SPAST: variants seen among roughly 807,000 people sequenced by gnomAD.
SPAST encodes the protein spastic paraplegia 4 (autosomal dominant; spastin).
In SPAST, 30 loss-of-function variants were observed where a neutral mutation model predicts 76.6. The ratio of observed to expected loss-of-function variants is 0.39; its 90% CI spans 0.29 to 0.53. The LOEUF (loss-of-function observed/expected upper bound fraction) is 0.53. SPAST is among the 20% of genes least tolerant of loss of function. The pLI is 0.68. For synonymous variants in SPAST, 305 were observed against 281.0 expected (o/e 1.09, Z -0.86); for missense variants, 717 against 770.5 (o/e 0.93, Z 0.82).
At chr2:32,138,181 A>G (rs1253034855) in intron 12 of SPAST, among the ~76,000 whole-genome samples, 2 of 152,192 alleles carry the variant, frequency 1.3e-5, no homozygotes, top group African/African-American at 2.4e-5. Flanking sequence ...ATACCCAGTA[A>G]TGGGATTTCA....
At chr2:32,153,750 AAGATC>A (rs1680163312) in intron 16 of SPAST, among the ~76,000 whole-genome samples, 1 of 152,198 alleles carries the variant, frequency 6.6e-6, no homozygotes, top group African/African-American at 2.4e-5. Flanking sequence ...GGCAATTTAA[AAGATC>A]AGAAAATAAG....
intron 12 of SPAST, among the ~76,000 whole-genome samples, chr2:32,139,814 G>C (rs1319496510): frequency 7.2e-6 from 1 of 138,380 alleles, no homozygotes; most frequent in Non-Finnish European, 1.5e-5. Flanking sequence ...GGGTGTGAAA[G>C]AGCAAGAATC....
intron 7 of SPAST, among the ~76,000 whole-genome samples, chr2:32,120,137 T>C (rs1425396433): frequency 1.3e-5 from 2 of 152,070 alleles, no homozygotes; most frequent in Non-Finnish European, 2.9e-5. Flanking sequence ...GAAATTTCCA[T>C]GAATTTCCAA....
chr2:32,144,096 A>T (rs1211385638), intron 14 of SPAST, among the ~76,000 whole-genome samples: 2 of 152,210 alleles, frequency 1.3e-5, no homozygotes, highest in Non-Finnish European at 2.9e-5. Flanking sequence ...GAAAAATGTC[A>T]TAAAGTAATA....
In SPAST at chr2:32,063,744, CCCGCCGTAGCAGTGGCTG is replaced by C. The variant is rs1676377641; in HGVS notation, c.-80_-63del. 9 of 1,504,140 alleles carry C rather than the reference CCCGCCGTAGCAGTGGCTG, an allele frequency of 6.0e-6. No homozygotes were observed. In the South Asian group the frequency reaches 1.0e-4, roughly 17 times the overall value. 93.2% of individuals were successfully genotyped at this position (1,504,140 alleles called of 1,614,324 possible). The stretch of plus-strand genomic sequence containing the variant: ...GGCGGGCACACGGGGGTCTGTGGCC[CCCGCCGTAGCAGTGGCTG>C]CCGCCGTCGCTTGGTTCCCGTCGGT... On this transcript the variant is annotated 5_prime_UTR_variant, in exon 1 of 17. Coordinates refer to ENST00000315285, the MANE Select transcript of SPAST (RefSeq NM_014946.4).
At chr2:32,075,266 C>G (rs985142497) in intron 1 of SPAST, among the ~76,000 whole-genome samples, 3 of 150,666 alleles carry the variant, frequency 2.0e-5, no homozygotes, top group African/African-American at 7.3e-5. Flanking sequence ...ACTAAAAATA[C>G]AAAAACAAAA....
chr2:32,136,917 G>A lies in SPAST; in HGVS notation c.1362G>A (p.Glu454=), dbSNP rs138849656. 111 of 1,613,814 alleles carry A rather than the reference G, an allele frequency of 6.9e-5. 1 individual carries two copies. In the African/African-American group the frequency reaches 1.1e-3, roughly 15 times the overall value. ...TTTTGTGTGAAAGAAGAGAAGGGGA[G>A]CACGATGCTAGTAGACGCCTAAAAA... ...DSLLCERREG[E]HDASRRLKTE... The change falls in exon 11 of 17, where the codon GAG becomes GAA. Residue 454 remains glutamate (E), a synonymous_variant. Transcript: ENST00000315285.
chr2:32,129,270 A>AT (rs1679292702), intron 9 of SPAST: 1 of 140,752 alleles, frequency 7.1e-6, no homozygotes, highest in Non-Finnish European at 1.5e-5. Flanking sequence ...TTTTTTTTAT[A>AT]ATAGAGACAC....
intron 3 of SPAST, 96 bp from the exon 4 acceptor site, chr2:32,098,700 T>C: frequency 1.3e-6 from 1 of 799,160 alleles, no homozygotes; most frequent in Non-Finnish European, 2.2e-6. Context: ...TGGTAACACC[T>C]TGAGTAATTT....
intron 4 of SPAST, among the ~76,000 whole-genome samples, chr2:32,110,533 ATATATAGTATATATATACTATATAGTGT>A (rs1678519760): frequency 7.3e-6 from 1 of 137,806 alleles, no homozygotes; most frequent in Non-Finnish European, 1.5e-5. Flanking sequence ...TATAGTGTGT[ATATATAGTATATATATACTATATAGTGT>A]GTATATATAG....
chr2:32,141,322 A>T (rs147523941), intron 12 of SPAST, among the ~76,000 whole-genome samples: 1 of 152,132 alleles, frequency 6.6e-6, no homozygotes, highest in Non-Finnish European at 1.5e-5. Flanking sequence ...TATGCTATCA[A>T]TTAGGGTTTA....
chr2:32,110,168 G>A (rs1211661561), intron 4 of SPAST, among the ~76,000 whole-genome samples: 5 of 146,834 alleles, frequency 3.4e-5, no homozygotes, highest in Non-Finnish European at 7.5e-5. Flanking sequence ...CCCCAGGCTG[G>A]AATGCAGTGG....
Position 32,116,264 on chromosome 2 carries a change from A to ATAG in SPAST, c.1098+67_1098+69dup, listed in dbSNP as rs561829522. 144 of 1,080,818 alleles carry ATAG rather than the reference A, an allele frequency of 1.3e-4. No individual in the cohort carries two copies. In the East Asian group the frequency reaches 1.8e-3, roughly 14 times the overall value. The allele number at this position is 1,080,818 out of a possible 1,614,324, so 67.0% of individuals were successfully genotyped here. A position where few individuals can be genotyped will look rare whatever the true frequency, so the allele number is the denominator to read the frequency against. ...TATAATACCATCTGTTACTGAATCC[A>ATAG]TAGTAGTAGTAGTAGTAAAGAAATA... is the stretch of plus-strand genomic sequence containing the variant. On this transcript the variant is annotated intron_variant, in intron 7 of 16. Coordinates refer to ENST00000315285, the MANE Select transcript of SPAST (RefSeq NM_014946.4).
chr2:32,077,374 A>G lies in SPAST; in HGVS notation c.416-10118A>G, dbSNP rs1337375440. ...GTCAGGAACATACAACTGTGCACAC[A>G]GTTCAGGAGAAGGAGGATTTAAGTT... On this transcript the variant is annotated intron_variant, in intron 1 of 16. Coordinates refer to ENST00000315285, the MANE Select transcript of SPAST (RefSeq NM_014946.4). Among the ~76,000 whole-genome samples the G allele has an allele frequency of 2.0e-5, 3 of 152,198 alleles. No individual in the cohort carries two copies. The East Asian group carries it at 5.8e-4, about 29-fold the overall frequency.
Position 32,144,979 on chromosome 2 carries a change from A to G in SPAST, c.1659A>G (p.Ala553=), listed in dbSNP as rs769940053. 4.3e-6 allele frequency: 7 copies of G among 1,613,040 alleles called. No individual in the cohort carries two copies. The South Asian group carries it at 7.7e-5, about 18-fold the overall frequency. Residue 553 remains alanine (A), a synonymous_variant, in exon 15 of 17, where the codon GCA becomes GCG. Transcript: ENST00000315285. ...CAGGAAGTGACCTAACAGCTTTGGC[A>G]AAAGATGCAGCACTGGGTCCTATCC... The part of the protein sequence containing the change: ...GYSGSDLTAL[A]KDAALGPIRE...
intron 2 of SPAST, 126 bp from the exon 3 acceptor site, chr2:32,089,395 CT>C (rs199751931): frequency 1.3e-5 from 8 of 596,610 alleles, no homozygotes; most frequent in African/African-American, 7.6e-5. Flanking sequence ...ACATTTTCTT[CT>C]TTTTTTTAAA....
intron 3 of SPAST, among the ~76,000 whole-genome samples, chr2:32,091,486 A>G (rs1489839297): frequency 6.7e-6 from 1 of 148,502 alleles, no homozygotes; most frequent in East Asian, 2.2e-4. Flanking sequence ...CATGTTGGCC[A>G]GGCTGGTCTC....
At chr2:32,095,135 C>G (rs1414806786) in intron 3 of SPAST, among the ~76,000 whole-genome samples, 4 of 151,994 alleles carry the variant, frequency 2.6e-5, no homozygotes, top group African/African-American at 7.3e-5. Flanking sequence ...GAGGCTTGCA[C>G]CAGGGTAGTA....
chr2:32,141,123 T>C (rs1679707660), intron 12 of SPAST, among the ~76,000 whole-genome samples: 1 of 152,150 alleles, frequency 6.6e-6, no homozygotes, highest in South Asian at 2.1e-4. Flanking sequence ...CCTCCCTCAC[T>C]TACAGTGAAG....
Sources: allele counts gnomAD v4.1 joint callset (sites outside exome capture counted in the v4.1 genomes callset), GRCh38; gene constraint gnomAD v4.1.1; transcripts MANE v1.5; gene names NCBI Gene and HGNC (gene_info 2026-07-23, HGNC 2026-07-21).